NRF1: variants seen among roughly 807,000 people sequenced by gnomAD.
NRF1 encodes alpha palindromic-binding protein.
A neutral mutation model predicts 58.5 loss-of-function variants in NRF1; 5 were observed. The ratio of observed to expected loss-of-function variants is 0.09; its 90% CI spans 0.04 to 0.18. The LOEUF is 0.18. Ranked by LOEUF, NRF1 falls within the 10% of genes least tolerant of loss-of-function variation. The probability of loss-of-function intolerance (pLI) is 1.00; values close to 1 mark genes in which losing one functional copy is unlikely to be tolerated. For synonymous variants in NRF1, 224 were observed against 246.7 expected, an observed-to-expected ratio of 0.91 and a Z score of 0.86; for missense variants, 288 against 657.7, an observed-to-expected ratio of 0.44 and a Z score of 6.15.
chr7:129,711,354 T>C (rs1205260740), intron 7 of NRF1, 121 bp from the exon 8 acceptor site: 1 of 649,850 alleles, frequency 1.5e-6, no homozygotes, highest in East Asian at 2.9e-5. Context: ...AGATTTCACA[T>C]CATAAGGCAT....
At chr7:129,740,584 C>A (rs1036686236) in intron 10 of NRF1, among the ~76,000 whole-genome samples, 4 of 152,232 alleles carry the variant, frequency 2.6e-5, no homozygotes, top group South Asian at 4.1e-4. Flanking sequence ...GCATACCCCC[C>A]GTAGCTGGAG....
chr7:129,633,765 A>G (rs1801101654), intron 1 of NRF1: 2 of 150,642 alleles, frequency 1.3e-5, no homozygotes, highest in South Asian at 4.3e-4. Context: ...GCACTAGATA[A>G]CCATACTTAT....
intron 1 of NRF1, among the ~76,000 whole-genome samples, chr7:129,614,574 C>CTGAGCA (rs1234837916): frequency 6.6e-5 from 10 of 151,920 alleles, no homozygotes; most frequent in African/African-American, 1.9e-4. Flanking sequence ...ACCTCAGCCT[C>CTGAGCA]CCCAGTAGCT....
At chr7:129,733,060 G>GTC (rs1803620451) in intron 10 of NRF1, among the ~76,000 whole-genome samples, 1 of 1,566 alleles carries the variant, frequency 6.4e-4, no homozygotes, top group African/African-American at 8.1e-4. Flanking sequence ...AACAAAGCGA[G>GTC]ACTGTCTCAA....
intron 5 of NRF1, among the ~76,000 whole-genome samples, chr7:129,701,457 G>A (rs1249875483): frequency 1.3e-5 from 2 of 151,760 alleles, no homozygotes; most frequent in African/African-American, 2.4e-5. Flanking sequence ...ACAATTAGCC[G>A]GCCATGGTAA....
At chr7:129,634,467 G>A (rs1801127411) in intron 1 of NRF1, among the ~76,000 whole-genome samples, 3 of 152,068 alleles carry the variant, frequency 2.0e-5, no homozygotes, top group African/African-American at 7.2e-5. Context: ...ATTGGCTTCT[G>A]TCACTAAGCA....
intron 1 of NRF1, among the ~76,000 whole-genome samples, chr7:129,617,033 A>G (rs539364060): frequency 5.9e-5 from 9 of 152,310 alleles, no homozygotes; most frequent in African/African-American, 1.9e-4. Context: ...ATTGTTTAAT[A>G]TGCATTGTAT....
intron 5 of NRF1, among the ~76,000 whole-genome samples, chr7:129,694,425 C>T (rs1369556328): frequency 1.3e-5 from 2 of 152,138 alleles, no homozygotes; most frequent in African/African-American, 4.8e-5. Flanking sequence ...AGTGCAATGG[C>T]ACGATCTCGG....
chr7:129,719,711 C>A (rs1158707907), intron 9 of NRF1, among the ~76,000 whole-genome samples: 1 of 152,246 alleles, frequency 6.6e-6, no homozygotes. Context: ...TGGTTCCTTA[C>A]ACTTGGCTCA....
chr7:129,729,947 C>T (rs181240236), intron 10 of NRF1, among the ~76,000 whole-genome samples: 2 of 152,178 alleles, frequency 1.3e-5, no homozygotes, highest in African/African-American at 4.8e-5. Context: ...TCCAATGATT[C>T]TCGTGCCTCA....
At chr7:129,693,604 G>C (rs1255798983) in intron 5 of NRF1, among the ~76,000 whole-genome samples, 1 of 151,988 alleles carries the variant, frequency 6.6e-6, no homozygotes, top group Non-Finnish European at 1.5e-5. Context: ...TGTGGCCCAA[G>C]ATAATTCTTC....
intron 10 of NRF1, among the ~76,000 whole-genome samples, chr7:129,732,978 G>A (rs1803618339): frequency 6.6e-6 from 1 of 151,912 alleles, no homozygotes; most frequent in African/African-American, 2.4e-5. Context: ...GGCTGAGGCA[G>A]GAGAATTGCT....
intron 2 of NRF1, among the ~76,000 whole-genome samples, chr7:129,667,979 A>G (rs189331863): frequency 1.3e-3 from 199 of 152,130 alleles, no homozygotes; most frequent in Non-Finnish European, 2.3e-3. Context: ...TGCCCAGGCT[A>G]GTCTTGAACT....
At chr7:129,749,414 C>T (rs190954281) in intron 10 of NRF1, among the ~76,000 whole-genome samples, 269 of 149,482 alleles carry the variant, frequency 1.8e-3, no homozygotes, top group African/African-American at 5.9e-3. Context: ...ACCATTTTGG[C>T]TCAAGAATGA....
intron 5 of NRF1, among the ~76,000 whole-genome samples, chr7:129,708,126 G>A (rs1802992720): frequency 6.6e-6 from 1 of 152,112 alleles, no homozygotes; most frequent in African/African-American, 2.4e-5. Context: ...ATCCTTAGTT[G>A]CAGGATGCTA....
chr7:129,673,906 G>A (rs1196752454), intron 3 of NRF1, among the ~76,000 whole-genome samples: 1 of 152,028 alleles, frequency 6.6e-6, no homozygotes, highest in African/African-American at 2.4e-5. Context: ...TTGGGAGGCC[G>A]AGGTGGGCGG....
At chr7:129,724,760 C>G (rs146388311) in intron 9 of NRF1, among the ~76,000 whole-genome samples, 2 of 152,270 alleles carry the variant, frequency 1.3e-5, no homozygotes, top group African/African-American at 4.8e-5. Flanking sequence ...AAGCCAGACA[C>G]AAAAGGACAA....
chr7:129,690,002 G>A (rs1802527735), intron 4 of NRF1, among the ~76,000 whole-genome samples: 1 of 152,180 alleles, frequency 6.6e-6, no homozygotes, highest in Non-Finnish European at 1.5e-5. Context: ...GTAAGTCCTT[G>A]AAGATCTTGA....
At chr7:129,690,059 G>T (rs1009129592) in intron 4 of NRF1, among the ~76,000 whole-genome samples, 4 of 152,192 alleles carry the variant, frequency 2.6e-5, no homozygotes, top group South Asian at 4.1e-4. Context: ...TCAAGCAATG[G>T]CCTGGGAAAT....
Sources: allele counts gnomAD v4.1 joint callset (sites outside exome capture counted in the v4.1 genomes callset), GRCh38; gene constraint gnomAD v4.1.1; transcripts MANE v1.5; gene names NCBI Gene and HGNC (gene_info 2026-07-23, HGNC 2026-07-21).